GLIS3: variants seen among roughly 807,000 people sequenced by gnomAD.
GLIS3 encodes GLIS family zinc finger 3, also known as zinc finger protein GLIS3.
Under a neutral mutation model 78.6 loss-of-function variants are expected in GLIS3, and 53 were observed. The observed-to-expected ratio is 0.67, with a 90% CI of 0.54 to 0.85. GLIS3 has a LOEUF of 0.85. Ranked by LOEUF, GLIS3 falls within the 40% of genes least tolerant of loss-of-function variation. The probability of loss-of-function intolerance (pLI) is 0.00; values close to 1 mark genes in which losing one functional copy is unlikely to be tolerated. For synonymous variants in GLIS3, 684 were observed against 509.9 expected, an observed-to-expected ratio of 1.34 and a Z score of -4.60; for missense variants, 1,703 against 1,231.1, an observed-to-expected ratio of 1.38 and a Z score of -5.74.
At chr9:4,056,313 G>C (rs1175042692) in intron 4 of GLIS3, among the ~76,000 whole-genome samples, 2 of 152,174 alleles carry the variant, frequency 1.3e-5, no homozygotes, top group Non-Finnish European at 2.9e-5. Flanking sequence ...TTATTTCACT[G>C]TCATAATGTA....
At chr9:4,380,287 A>T in the GLIS3 span, among the ~76,000 whole-genome samples, 1 of 152,186 alleles carries the variant, frequency 6.6e-6, no homozygotes, top group African/African-American at 2.4e-5. Flanking sequence ...TGTTATTTGA[A>T]ATCTTCTATT....
chr9:4,036,807 C>CCGTTTGGAG (rs1486920006), intron 4 of GLIS3, among the ~76,000 whole-genome samples: 2 of 152,134 alleles, frequency 1.3e-5, no homozygotes, highest in Non-Finnish European at 2.9e-5. Flanking sequence ...TTCAGGAAAG[C>CCGTTTGGAG]CGTTTGGAGG....
At chr9:4,395,776 T>C in the GLIS3 span, among the ~76,000 whole-genome samples, 3 of 140,832 alleles carry the variant, frequency 2.1e-5, no homozygotes, top group Non-Finnish European at 4.8e-5. Flanking sequence ...TTTCTTTTTT[T>C]CTTTTTTTTT....
chr9:4,112,128 G>T (rs915933724), intron 4 of GLIS3, among the ~76,000 whole-genome samples: 2 of 152,144 alleles, frequency 1.3e-5, no homozygotes, highest in African/African-American at 4.8e-5. Flanking sequence ...AGGAGGCAAG[G>T]AGGTGGCAAC....
intron 3 of GLIS3, 33 bp downstream of exon 3, chr9:4,125,701 T>C (rs1425721489): frequency 6.6e-7 from 1 of 1,525,878 alleles, no homozygotes; most frequent in Non-Finnish European, 9.1e-7. Context: ...GTTTATACCA[T>C]AAAGAAAGGG....
chr9:4,183,944 G>T (rs1380131583), intron 2 of GLIS3, among the ~76,000 whole-genome samples: 1 of 152,086 alleles, frequency 6.6e-6, no homozygotes, highest in Non-Finnish European at 1.5e-5. Context: ...AAACTAAGTA[G>T]CTAAATTAGC....
chr9:4,320,163 CAT>C (rs1392118255), intron 2 of GLIS3, among the ~76,000 whole-genome samples: 1 of 152,158 alleles, frequency 6.6e-6, no homozygotes, highest in Non-Finnish European at 1.5e-5. Context: ...CCACTTTTGA[CAT>C]GTCATGTTTT....
intron 4 of GLIS3, among the ~76,000 whole-genome samples, chr9:4,007,693 C>T (rs561882382): frequency 3.9e-5 from 6 of 152,172 alleles, no homozygotes; most frequent in African/African-American, 1.4e-4. Context: ...GGCACACATA[C>T]ACACATAAGA....
At chr9:4,004,929 A>G (rs181146472) in intron 4 of GLIS3, among the ~76,000 whole-genome samples, 61 of 152,350 alleles carry the variant, frequency 4.0e-4, no homozygotes, top group Non-Finnish European at 7.2e-4. Flanking sequence ...ATGTAATTGA[A>G]TAAAGAAGTA....
intron 4 of GLIS3, among the ~76,000 whole-genome samples, chr9:4,020,643 G>C (rs1018149901): frequency 2.0e-5 from 3 of 152,162 alleles, no homozygotes; most frequent in African/African-American, 7.2e-5. Flanking sequence ...CTAATCTTGA[G>C]ATGTAACAGA....
chr9:4,074,566 TTC>T (rs1827894969), intron 4 of GLIS3, among the ~76,000 whole-genome samples: 1 of 152,184 alleles, frequency 6.6e-6, no homozygotes, highest in Non-Finnish European at 1.5e-5. Flanking sequence ...GTATTATATT[TTC>T]TTTCTTATGG....
At chr9:3,896,992 C>T (rs557207444) in intron 7 of GLIS3, among the ~76,000 whole-genome samples, 85 of 152,092 alleles carry the variant, frequency 5.6e-4, no homozygotes, top group Non-Finnish European at 1.2e-3. Flanking sequence ...TCAAGCTGAA[C>T]CTTAAAATAT....
chr9:4,043,067 C>T (rs570578270), intron 4 of GLIS3, among the ~76,000 whole-genome samples: 4 of 152,218 alleles, frequency 2.6e-5, no homozygotes, highest in South Asian at 4.1e-4. Context: ...TTTTCTCCCC[C>T]GGAGCCACAA....
intron 2 of GLIS3, among the ~76,000 whole-genome samples, chr9:4,146,673 T>C (rs573801220): frequency 1.3e-5 from 2 of 152,216 alleles, no homozygotes; most frequent in East Asian, 1.9e-4. Flanking sequence ...AGCAGTGAAT[T>C]AGATTTTTCA....
At chr9:3,868,113 T>C (rs1820723165) in intron 8 of GLIS3, among the ~76,000 whole-genome samples, 1 of 152,256 alleles carries the variant, frequency 6.6e-6, no homozygotes, top group Non-Finnish European at 1.5e-5. Context: ...ACAAACTTAA[T>C]TGCCTGTGTT....
At chr9:4,300,849 G>A (rs1360999402), upstream of GLIS3, among the ~76,000 whole-genome samples, 1 of 152,008 alleles carries the variant, frequency 6.6e-6, no homozygotes, top group Non-Finnish European at 1.5e-5. Context: ...ATCTAGGTAT[G>A]TAATGCACAC....
At chr9:4,040,730 A>C (rs949550005) in intron 4 of GLIS3, among the ~76,000 whole-genome samples, 7 of 152,208 alleles carry the variant, frequency 4.6e-5, no homozygotes, top group Non-Finnish European at 4.4e-5. Context: ...AAACACTATA[A>C]AAAGATGAAA....
At chr9:4,151,477 T>C (rs770594800) in intron 2 of GLIS3, among the ~76,000 whole-genome samples, 1 of 152,202 alleles carries the variant, frequency 6.6e-6, no homozygotes, top group Non-Finnish European at 1.5e-5. Flanking sequence ...GCACCTTGCT[T>C]AGAAAGGGGG....
At chr9:4,341,288 C>T (rs545515476) in intron 2 of GLIS3, among the ~76,000 whole-genome samples, 50 of 152,360 alleles carry the variant, frequency 3.3e-4, no homozygotes, top group African/African-American at 1.0e-3. Flanking sequence ...TCCTGGCTTG[C>T]ACTCACACGA....
Sources: allele counts gnomAD v4.1 joint callset (sites outside exome capture counted in the v4.1 genomes callset), GRCh38; gene constraint gnomAD v4.1.1; transcripts MANE v1.5; gene names NCBI Gene and HGNC (gene_info 2026-07-23, HGNC 2026-07-21).